PLCH2: variants seen among roughly 807,000 people sequenced by gnomAD.
PLCH2 encodes phospholipase C eta 2, also known as 1-phosphatidylinositol 4,5-bisphosphate phosphodiesterase eta-2.
PLCH2 carries 98 observed loss-of-function variants against 134.7 expected under a neutral mutation model. That is an observed-to-expected ratio of 0.73 (90% CI 0.62 to 0.86). The LOEUF (loss-of-function observed/expected upper bound fraction) is 0.86, where lower values mean the gene tolerates loss of function less well. Ranked by LOEUF, PLCH2 falls within the 40% of genes least tolerant of loss-of-function variation. PLCH2 has a pLI of 0.00. For synonymous variants in PLCH2, 974 were observed against 827.5 expected (o/e 1.18, Z -3.04); for missense variants, 1,994 against 1,986.6 (o/e 1.00, Z -0.07).
chr1:2,441,352 C>T (rs1037104636), intron 2 of PLCH2, among the ~76,000 whole-genome samples: 2 of 152,318 alleles, frequency 1.3e-5, no homozygotes, highest in African/African-American at 4.8e-5. Context: ...TTGGCTTCTG[C>T]CAGCTCCTGG....
At chr1:2,470,691 G>A (rs985641249) in intron 1 of PLCH2, among the ~76,000 whole-genome samples, 1 of 152,218 alleles carries the variant, frequency 6.6e-6, no homozygotes, top group African/African-American at 2.4e-5. Flanking sequence ...TGGGGGCAGG[G>A]CTGGCTCTGA....
chr1:2,475,723 A>C (rs1030972445), upstream of PLCH2, among the ~76,000 whole-genome samples: 2 of 152,172 alleles, frequency 1.3e-5, no homozygotes, highest in Admixed American at 6.5e-5. Flanking sequence ...ACCGTGGAGA[A>C]AGGTCAGGCT....
At position 2,504,740 on chromosome 1, in the gene PLCH2, C is replaced by G. The variant is rs914469904; in HGVS notation, c.3778C>G (p.Leu1260Val). 1.2e-6 allele frequency: 2 copies of G among 1,612,526 alleles called. No individual in the cohort carries two copies. Among genetic ancestry groups the G allele is most frequent in the Non-Finnish European group, 1.7e-6 (2 of 1,179,796 alleles). Residue 1260 changes from leucine (L) to valine (V), a missense_variant, in exon 22 of 22, where the codon CTC (leucine) becomes GTC (valine). Transcript: ENST00000378486. ...TGCCAAGTCCAAGAGCCTGGGCGACCTCACTGCTGATGACTTTGCCCCTAG... is the reference window on the plus strand; with the variant it reads ...TGCCAAGTCCAAGAGCCTGGGCGACGTCACTGCTGATGACTTTGCCCCTAG... The part of the protein sequence containing the change: ...VAAKSKSLGD[L>V]TADDFAPSFE...
upstream of PLCH2, among the ~76,000 whole-genome samples, chr1:2,475,093 G>A (rs573893734): frequency 6.6e-6 from 1 of 152,308 alleles, no homozygotes; most frequent in African/African-American, 2.4e-5. Flanking sequence ...GCTCTGTGCT[G>A]ACTGCATCTG....
intron 8 of PLCH2, among the ~76,000 whole-genome samples, chr1:2,488,630 T>C (rs185592204): frequency 2.6e-5 from 4 of 152,214 alleles, no homozygotes; most frequent in African/African-American, 4.8e-5. Context: ...AACATACACA[T>C]GGTTAAAAAT....
At position 2,496,950 on chromosome 1, in the gene PLCH2, T is replaced by TA; in HGVS notation, c.2057dup (p.Tyr686Ter). The TA allele has an allele frequency of 1.2e-6, 2 of 1,613,348 alleles. No individual in the cohort carries two copies. Among genetic ancestry groups the TA allele is most frequent in the Non-Finnish European group, 1.7e-6 (2 of 1,179,836 alleles). ...QQLSRIYPSSYRVDSSNYNPQ... is the reference protein window; with the variant it reads ...QQLSRIYPSS ...GCTCTCCCGCATCTACCCCTCCTCC[T>TA]ACCGTGTGGACTCCAGCAACTACAA... Residue 686 changes from tyrosine to a stop codon, truncating the protein, a stop_gained and frameshift_variant, in exon 15 of 22, where the codon TAC becomes TAAC. Coordinates refer to ENST00000378486, the MANE Select transcript of PLCH2 (RefSeq NM_014638.4). LOFTEE classifies it high-confidence loss of function.
At chr1:2,418,884 G>A in the PLCH2 span, among the ~76,000 whole-genome samples, 1 of 152,200 alleles carries the variant, frequency 6.6e-6, no homozygotes, top group Admixed American at 6.5e-5. Context: ...GCCCACCTCA[G>A]CCCACACTGG....
intron 2 of PLCH2, among the ~76,000 whole-genome samples, chr1:2,434,382 G>A (rs1039222082): frequency 2.0e-5 from 3 of 152,236 alleles, no homozygotes; most frequent in South Asian, 2.1e-4. Flanking sequence ...CTTCTCTCCC[G>A]GGCACCCACA....
At chr1:2,467,180 C>CGGGAGGGA (rs540138760), upstream of PLCH2, among the ~76,000 whole-genome samples, 64 of 140,372 alleles carry the variant, frequency 4.6e-4, no homozygotes, top group East Asian at 5.1e-4. Flanking sequence ...GGAGCCCTGC[C>CGGGAGGGA]GGGAGGGAGG....
At chr1:2,478,716 C>T (rs1045778878) in intron 2 of PLCH2, 94 bp downstream of exon 2, 1 of 1,260,542 alleles carries the variant, frequency 7.9e-7, no homozygotes, top group Non-Finnish European at 1.1e-6. Context: ...GGCTGAGGAG[C>T]AGCGAGACCC....
At chr1:2,479,104 A>G in intron 2 of PLCH2, 1 of 173,960 alleles carries the variant, frequency 5.7e-6, no homozygotes, top group East Asian at 1.5e-4. Flanking sequence ...GGGAACGGGT[A>G]GGGTCCCACG....
At chr1:2,471,363 C>G (rs185482109), upstream of PLCH2, among the ~76,000 whole-genome samples, 126 of 152,334 alleles carry the variant, frequency 8.3e-4, no homozygotes, top group Middle Eastern at 3.4e-3. Flanking sequence ...AGAAGGGCTG[C>G]ACTGGGGGAA....
chr1:2,441,141 G>A (rs1380961851), intron 2 of PLCH2, among the ~76,000 whole-genome samples: 1 of 152,200 alleles, frequency 6.6e-6, no homozygotes, highest in Non-Finnish European at 1.5e-5. Context: ...GCCAGGCAGT[G>A]AAAGGGGTGC....
chr1:2,472,730 T>C (rs1329210120), upstream of PLCH2, among the ~76,000 whole-genome samples: 1 of 151,926 alleles, frequency 6.6e-6, no homozygotes, highest in African/African-American at 2.4e-5. Context: ...GCAGCAAGCG[T>C]CGGGAGAGGA....
chr1:2,465,524 C>A (rs1641016774), upstream of PLCH2, among the ~76,000 whole-genome samples: 2 of 152,206 alleles, frequency 1.3e-5, no homozygotes, highest in South Asian at 2.1e-4. Flanking sequence ...GAAAATTAAA[C>A]TCCCTGGGGC....
At chr1:2,484,639 G>T in intron 5 of PLCH2, 21 bp downstream of exon 5, 4 of 1,606,772 alleles carry the variant, frequency 2.5e-6, no homozygotes, top group African/African-American at 1.3e-5. Context: ...CGGGGCAGGT[G>T]TTGGGGGGCC....
chr1:2,499,062 C>T (rs1643063393), intron 18 of PLCH2, 22 bp from the exon 19 acceptor site: 12 of 1,599,460 alleles, frequency 7.5e-6, no homozygotes, highest in African/African-American at 1.3e-5. Context: ...ATGGGACACT[C>T]CTCCTGGCGC....
intron 5 of PLCH2, among the ~76,000 whole-genome samples, chr1:2,485,753 G>T (rs1450442917): frequency 6.6e-6 from 1 of 152,154 alleles, no homozygotes; most frequent in Non-Finnish European, 1.5e-5. Flanking sequence ...GATGGTCTGA[G>T]GGCGAGGATG....
chr1:2,491,173 C>G lies in PLCH2; in HGVS notation c.1516-19C>G. ...GGGCTCGGGACAGATGCCAACAGGCCGGCCTCTGGCTCCTGCAGGCATCCA... is the reference window on the plus strand; with the variant it reads ...GGGCTCGGGACAGATGCCAACAGGCGGGCCTCTGGCTCCTGCAGGCATCCA... On this transcript the variant is annotated intron_variant, in intron 10 of 21. Transcript: ENST00000378486. 6.2e-7 allele frequency: 1 copy of G among 1,606,132 alleles called. No homozygotes were observed. Among genetic ancestry groups the G allele is most frequent in the Non-Finnish European group, 8.5e-7 (1 of 1,176,456 alleles).
Sources: gnomAD v4.1 joint callset for allele counts (sites outside exome capture counted in the v4.1 genomes callset) on GRCh38, gnomAD v4.1.1 for gene constraint, MANE v1.5 for transcripts, NCBI Gene and HGNC (gene_info 2026-07-23, HGNC 2026-07-21) for gene names.